Variants in PID1 observed in about 807,000 individuals in gnomAD.
PID1 encodes phosphotyrosine interaction domain containing 1.
Under a neutral mutation model 19.1 loss-of-function variants are expected in PID1, and 10 were observed. The ratio of observed to expected loss-of-function variants is 0.52; its 90% CI spans 0.32 to 0.89. The LOEUF is 0.89. Among genes scored for constraint, PID1 ranks in the 40% least tolerant of loss-of-function variants. The pLI, the probability that PID1 is intolerant of heterozygous loss-of-function variation, is 0.03. For synonymous variants in PID1, 130 were observed against 116.0 expected (o/e 1.12, Z -0.78); for missense variants, 248 against 285.3 (o/e 0.87, Z 0.94).
chr2:229,033,002 C>T (rs1230022141), intron 2 of PID1, among the ~76,000 whole-genome samples: 8 of 152,164 alleles, frequency 5.3e-5, no homozygotes, highest in African/African-American at 1.9e-4. Context: ...AACACCCCAG[C>T]CAGCTCTGCA....
rs115381771 is a variant in PID1 at position 229,069,636 on chromosome 2, C to A, written c.178-43528G>T. Among the ~76,000 whole-genome samples, 806 of 152,288 alleles carry A rather than the reference C, an allele frequency of 5.3e-3. 9 individuals are homozygous for A. The highest frequency in any genetic ancestry group is 0.019 in the African/African-American group (789 of 41,566). ...AGAAATGCCCCATGTGTGAAGGCTT[C>A]TGTTAGAGCAGCGGGGGAGAGGATA... is the stretch of plus-strand genomic sequence containing the variant. On this transcript the variant is annotated intron_variant, in intron 2 of 2. Transcript: ENST00000392055.
At chr2:229,050,497 T>C (rs1345124240) in intron 2 of PID1, among the ~76,000 whole-genome samples, 1 of 152,202 alleles carries the variant, frequency 6.6e-6, no homozygotes, top group Non-Finnish European at 1.5e-5. Context: ...ACAATATTTC[T>C]TTCCTAAAAA....
Position 229,099,051 on chromosome 2 carries a change from T to C in PID1, c.177+56767A>G, listed in dbSNP as rs575152120. On this transcript the variant is annotated intron_variant, in intron 2 of 2. Transcript: ENST00000392055. The stretch of plus-strand genomic sequence containing the variant: ...GTGCACTGAGGCTGCACTGGGGAAG[T>C]TGGTTTAGGCCTGGGAACTTACAAG... 3.4e-3 allele frequency among the ~76,000 whole-genome samples: 511 copies of C among 152,194 alleles called. 3 individuals carry two copies. The highest frequency in any genetic ancestry group is 8.5e-3 in the South Asian group (41 of 4,806).
chr2:229,169,672 T>C (rs1690671324), intron 1 of PID1, among the ~76,000 whole-genome samples: 2 of 152,212 alleles, frequency 1.3e-5, no homozygotes, highest in Non-Finnish European at 2.9e-5. Context: ...TACGTTTTCA[T>C]GAATACTGAC....
chr2:229,221,210 G>C (rs755869087), intron 1 of PID1, among the ~76,000 whole-genome samples: 2 of 152,154 alleles, frequency 1.3e-5, no homozygotes, highest in Non-Finnish European at 2.9e-5. Flanking sequence ...CACATCCAGG[G>C]AATGCCCTTA....
chr2:229,139,668 T>C (rs1222107704), intron 2 of PID1, among the ~76,000 whole-genome samples: 1 of 152,154 alleles, frequency 6.6e-6, no homozygotes, highest in African/African-American at 2.4e-5. Context: ...CTATCATAAC[T>C]GGCTGCTAGT....
At chr2:229,075,284 C>T (rs896971598) in intron 2 of PID1, among the ~76,000 whole-genome samples, 1 of 152,130 alleles carries the variant, frequency 6.6e-6, no homozygotes, top group Non-Finnish European at 1.5e-5. Flanking sequence ...AGTAAAAAAT[C>T]GTAAGTCAAA....
intron 1 of PID1, among the ~76,000 whole-genome samples, chr2:229,241,501 T>C (rs992616755): frequency 1.3e-5 from 2 of 152,130 alleles, no homozygotes. Flanking sequence ...CACAGAAATC[T>C]GATTGTTGCA....
chr2:229,129,454 C>T (rs1270834666), intron 2 of PID1, among the ~76,000 whole-genome samples: 1 of 150,678 alleles, frequency 6.6e-6, no homozygotes, highest in Non-Finnish European at 1.5e-5. Context: ...TCATTTATTG[C>T]AAATTCCATA....
rs1272619645 is a variant in PID1, at chr2:229,024,094, C to G, written c.*1538G>C. On this transcript the variant is annotated 3_prime_UTR_variant, in exon 3 of 3. Transcript: ENST00000392055. ...AGCATATCTTCAAGAAGTGAGTCCT[C>G]CTCAATATGACTCCATGCTTATTCT... 6.6e-6 allele frequency: 1 copy of G among 152,582 alleles called. No individual in the cohort carries two copies. The highest frequency in any genetic ancestry group is 1.5e-5 in the Non-Finnish European group (1 of 68,030). The allele number at this position is 152,582 out of a possible 1,614,324, so 9.5% of individuals were successfully genotyped here. A position where few individuals can be genotyped will look rare whatever the true frequency, so the allele number is the denominator to read the frequency against.
intron 1 of PID1, among the ~76,000 whole-genome samples, chr2:229,184,402 G>GTA (rs200384001): frequency 0.31 from 1,804 of 5,740 alleles, 598 homozygotes; most frequent in Middle Eastern, 0.5. Flanking sequence ...TATCTATCCC[G>GTA]TATATATCTA....
At chr2:229,066,586 G>A (rs879561609) in intron 2 of PID1, among the ~76,000 whole-genome samples, 9 of 151,908 alleles carry the variant, frequency 5.9e-5, no homozygotes, top group South Asian at 2.1e-4. Flanking sequence ...ATGCTGAGTC[G>A]TTTTTACAAA....
At chr2:229,064,561 T>C (rs1694280050) in intron 2 of PID1, among the ~76,000 whole-genome samples, 1 of 152,084 alleles carries the variant, frequency 6.6e-6, no homozygotes, top group African/African-American at 2.4e-5. Context: ...CCTCAAAACA[T>C]AAGTAATTGT....
chr2:229,037,740 C>T (rs1693693428), intron 2 of PID1, among the ~76,000 whole-genome samples: 1 of 152,126 alleles, frequency 6.6e-6, no homozygotes, highest in Admixed American at 6.5e-5. Context: ...GGCCCAAGAA[C>T]AATTTATTTC....
intron 2 of PID1, among the ~76,000 whole-genome samples, chr2:229,104,030 T>C (rs1008980713): frequency 6.6e-6 from 1 of 152,238 alleles, no homozygotes; most frequent in Non-Finnish European, 1.5e-5. Flanking sequence ...GCTTTTAGGC[T>C]TTTGATCTCA....
At chr2:229,110,039 C>T (rs1476525158) in intron 2 of PID1, among the ~76,000 whole-genome samples, 2 of 152,218 alleles carry the variant, frequency 1.3e-5, no homozygotes, top group Non-Finnish European at 2.9e-5. Context: ...CTGCTGCCTC[C>T]TCTGCTGGGC....
intron 1 of PID1, among the ~76,000 whole-genome samples, chr2:229,177,211 A>G (rs1023938240): frequency 1.3e-5 from 2 of 152,174 alleles, no homozygotes; most frequent in African/African-American, 4.8e-5. Flanking sequence ...TGGGAATGGT[A>G]GGAGTTACAA....
intron 1 of PID1, among the ~76,000 whole-genome samples, chr2:229,190,330 T>C (rs1297783392): frequency 1.3e-5 from 2 of 151,980 alleles, no homozygotes; most frequent in South Asian, 2.1e-4. Context: ...AATGATAGAG[T>C]TGAACCAGCC....
At chr2:229,144,509 A>G (rs1000275996) in intron 2 of PID1, among the ~76,000 whole-genome samples, 3 of 152,182 alleles carry the variant, frequency 2.0e-5, no homozygotes, top group Non-Finnish European at 4.4e-5. Context: ...TTCTAAATTG[A>G]ACAATAAAGG....
Sources: allele counts gnomAD v4.1 joint callset (sites outside exome capture counted in the v4.1 genomes callset), GRCh38; gene constraint gnomAD v4.1.1; transcripts MANE v1.5; gene names NCBI Gene and HGNC (gene_info 2026-07-23, HGNC 2026-07-21).